The following PACRG variants were observed in gnomAD, a reference collection of about 807,000 sequenced individuals.
The protein encoded by PACRG is parkin coregulated gene protein.
A neutral mutation model predicts 29.7 loss-of-function variants in PACRG; 29 were observed. That is an observed-to-expected ratio of 0.98 (90% CI 0.73 to 1.33). PACRG has a LOEUF of 1.33. Among genes scored for constraint, PACRG ranks in the 40% most tolerant of loss-of-function variants. The pLI is 0.00. For missense variants in PACRG, 279 were observed against 316.2 expected (o/e 0.88, Z 0.89); for synonymous variants, 116 against 118.7 (o/e 0.98, Z 0.15).
chr6:163,275,008 G>A (rs1452402291), intron 4 of PACRG, among the ~76,000 whole-genome samples: 15 of 151,660 alleles, frequency 9.9e-5, no homozygotes, highest in African/African-American at 2.4e-4. Flanking sequence ...GATTACAGGC[G>A]TGCACCACCA....
At chr6:163,239,436 T>C (rs1377916121) in intron 4 of PACRG, among the ~76,000 whole-genome samples, 1 of 152,114 alleles carries the variant, frequency 6.6e-6, no homozygotes, top group African/African-American at 2.4e-5. Flanking sequence ...CAATCTACAC[T>C]TCAACACTTG....
intron 2 of PACRG, among the ~76,000 whole-genome samples, chr6:162,820,647 T>TAA (rs11407344): frequency 1.4e-4 from 21 of 152,060 alleles, no homozygotes; most frequent in African/African-American, 3.4e-4. Flanking sequence ...TTAAGGATTT[T>TAA]AAAAAAATAA....
chr6:162,844,507 G>T (rs1356434603), intron 2 of PACRG, among the ~76,000 whole-genome samples: 2 of 152,180 alleles, frequency 1.3e-5, no homozygotes, highest in East Asian at 3.9e-4. Flanking sequence ...GCACTCCCTA[G>T]TGAGATGAAC....
chr6:163,231,527 C>T (rs989337266), intron 4 of PACRG, among the ~76,000 whole-genome samples: 1 of 152,156 alleles, frequency 6.6e-6, no homozygotes, highest in African/African-American at 2.4e-5. Flanking sequence ...CAGACAATTC[C>T]ATACAGATGG....
intron 2 of PACRG, among the ~76,000 whole-genome samples, chr6:162,882,940 A>G (rs540587278): frequency 6.6e-5 from 10 of 152,368 alleles, no homozygotes; most frequent in African/African-American, 1.7e-4. Flanking sequence ...GTGAATGCTT[A>G]GCAAACAATG....
intron 3 of PACRG, among the ~76,000 whole-genome samples, chr6:163,063,539 C>A (rs1394032739): frequency 6.6e-6 from 1 of 152,196 alleles, no homozygotes; most frequent in Non-Finnish European, 1.5e-5. Flanking sequence ...TCCAAGGTCA[C>A]CATTTTTATT....
intron 2 of PACRG, among the ~76,000 whole-genome samples, chr6:162,846,494 C>A (rs192534672): frequency 4.6e-5 from 7 of 152,292 alleles, no homozygotes; most frequent in Admixed American, 3.9e-4. Flanking sequence ...GTCTCTCTTA[C>A]CTCCATAGCC....
At chr6:163,125,536 C>T (rs1048650564) in intron 4 of PACRG, among the ~76,000 whole-genome samples, 72 of 152,106 alleles carry the variant, frequency 4.7e-4, no homozygotes, top group African/African-American at 1.7e-3. Flanking sequence ...CTATGAAAGA[C>T]CCCTAAATAG....
At chr6:163,196,928 T>C (rs759070929) in intron 4 of PACRG, among the ~76,000 whole-genome samples, 8 of 31,674 alleles carry the variant, frequency 2.5e-4, no homozygotes, top group South Asian at 1.2e-3. Flanking sequence ...ACTAGACAGA[T>C]AGATAGATAG....
At chr6:163,251,659 C>A (rs1020247776) in intron 4 of PACRG, among the ~76,000 whole-genome samples, 4 of 152,092 alleles carry the variant, frequency 2.6e-5, no homozygotes, top group Admixed American at 2.6e-4. Context: ...TTCTGTATTG[C>A]GCTGCTCGGA....
chr6:163,128,163 C>G (rs926625726), intron 4 of PACRG, among the ~76,000 whole-genome samples: 1 of 152,280 alleles, frequency 6.6e-6, no homozygotes, highest in Non-Finnish European at 1.5e-5. Context: ...TGAGGAAGTA[C>G]AGCAAAAGCT....
intron 1 of PACRG, among the ~76,000 whole-genome samples, chr6:162,812,418 A>G (rs886162793): frequency 2.0e-5 from 3 of 152,086 alleles, no homozygotes; most frequent in African/African-American, 7.2e-5. Flanking sequence ...CACTGGCACT[A>G]TTGCACATAA....
At chr6:162,862,413 T>C (rs1339241623) in intron 2 of PACRG, among the ~76,000 whole-genome samples, 1 of 152,170 alleles carries the variant, frequency 6.6e-6, no homozygotes, top group Non-Finnish European at 1.5e-5. Context: ...CTCAATACTT[T>C]ATACAGCAGA....
chr6:163,191,914 C>G, intron 4 of PACRG: 2 of 382,224 alleles, frequency 5.2e-6, no homozygotes, highest in South Asian at 3.8e-5. Flanking sequence ...TGAAGACTGT[C>G]CTGCTCCTCA....
intron 1 of PACRG, among the ~76,000 whole-genome samples, chr6:162,776,197 G>A (rs926617803): frequency 6.6e-5 from 10 of 152,138 alleles, no homozygotes; most frequent in Non-Finnish European, 1.5e-4. Context: ...ATTACATAAT[G>A]TCATTTTCTG....
At chr6:162,904,107 C>A (rs901727020) in intron 2 of PACRG, among the ~76,000 whole-genome samples, 11 of 152,208 alleles carry the variant, frequency 7.2e-5, no homozygotes, top group African/African-American at 2.4e-4. Context: ...AGATTCCTTC[C>A]TCCTCCTTCA....
intron 2 of PACRG, among the ~76,000 whole-genome samples, chr6:162,876,187 A>T (rs1327191813): frequency 2.6e-5 from 4 of 152,172 alleles, no homozygotes; most frequent in Non-Finnish European, 5.9e-5. Context: ...AGCAATGACA[A>T]GTGGAACCTC....
intron 2 of PACRG, among the ~76,000 whole-genome samples, chr6:162,919,793 TCATTTAAAATGATAAA>T (rs954222041): frequency 6.6e-6 from 1 of 152,196 alleles, no homozygotes; most frequent in African/African-American, 2.4e-5. Flanking sequence ...TCATTAAAAT[TCATTTAAAATGATAAA>T]CATTTAAAAT....
chr6:162,784,077 A>G (rs1196223338), intron 1 of PACRG, among the ~76,000 whole-genome samples: 2 of 152,192 alleles, frequency 1.3e-5, no homozygotes, highest in East Asian at 3.8e-4. Flanking sequence ...AGAAAATTAC[A>G]AATTTAGAAT....
Sources: gnomAD v4.1 joint callset for allele counts (sites outside exome capture counted in the v4.1 genomes callset) on GRCh38, gnomAD v4.1.1 for gene constraint, MANE v1.5 for transcripts, NCBI Gene and HGNC (gene_info 2026-07-23, HGNC 2026-07-21) for gene names.